The following ADGRG3 variants were observed in gnomAD, a reference collection of about 807,000 sequenced individuals.
ADGRG3 encodes G protein-coupled receptor 97.
ADGRG3 carries 39 observed loss-of-function variants against 54.3 expected under a neutral mutation model. The observed-to-expected ratio is 0.72, with a 90% CI of 0.56 to 0.94. The LOEUF is 0.94. Ranked by LOEUF, ADGRG3 falls within the 40% of genes least tolerant of loss-of-function variation. The pLI, the probability that ADGRG3 is intolerant of heterozygous loss-of-function variation, is 0.00. For synonymous variants in ADGRG3, 312 were observed against 290.0 expected, an observed-to-expected ratio of 1.08 and a Z score of -0.77; for missense variants, 654 against 694.6, an observed-to-expected ratio of 0.94 and a Z score of 0.66.
chr16:57,673,593 T>TAA, intron 2 of ADGRG3, 125 bp downstream of exon 2: 6 of 846,608 alleles, frequency 7.1e-6, no homozygotes, highest in Non-Finnish European at 9.1e-6. Context: ...TCTTCCACCT[T>TAA]GTTTGACACC....
intron 8 of ADGRG3, among the ~76,000 whole-genome samples, chr16:57,683,002 T>C (rs1197981705): frequency 6.6e-6 from 1 of 152,102 alleles, no homozygotes; most frequent in African/African-American, 2.4e-5. Context: ...TGCTGGGAAA[T>C]GTCCAGTTCA....
intron 1 of ADGRG3, among the ~76,000 whole-genome samples, chr16:57,672,667 G>A (rs77460743): frequency 0.012 from 1,851 of 152,272 alleles, 16 homozygotes; most frequent in Non-Finnish European, 0.019. Context: ...AGGTGAAAGG[G>A]AACCGAACTA....
chr16:57,686,651 T>C (rs1965227), intron 11 of ADGRG3: 81,371 of 152,066 alleles, frequency 0.54, 23,354 homozygotes, highest in African/African-American at 0.76. Context: ...TCTCTCCACT[T>C]ACCCTTTACT....
upstream of ADGRG3, among the ~76,000 whole-genome samples, chr16:57,666,010 G>T (rs1271824739): frequency 2.0e-5 from 3 of 151,172 alleles, no homozygotes. Context: ...TTCTGCAGGT[G>T]GGGGGCTCCT....
chr16:57,676,899 C>T (rs1237518984), intron 3 of ADGRG3, among the ~76,000 whole-genome samples: 1 of 152,168 alleles, frequency 6.6e-6, no homozygotes, highest in Non-Finnish European at 1.5e-5. Context: ...AGATAATGCA[C>T]AGGGAATGCT....
intron 8 of ADGRG3, chr16:57,682,415 C>A: frequency 3.3e-6 from 3 of 899,348 alleles, no homozygotes; most frequent in Non-Finnish European, 4.0e-6. Context: ...GCAGCCCCAA[C>A]TAGGCCCACC....
At chr16:57,685,985 G>A (rs538749790) in intron 11 of ADGRG3, 59 bp downstream of exon 11, 3 of 1,558,812 alleles carry the variant, frequency 1.9e-6, no homozygotes, top group South Asian at 1.1e-5. Context: ...GAGGTATTGG[G>A]AGGTGGGGAA....
At chr16:57,685,956 G>A in intron 11 of ADGRG3, 30 bp downstream of exon 11, 1 of 1,608,180 alleles carries the variant, frequency 6.2e-7, no homozygotes, top group Non-Finnish European at 8.5e-7. Context: ...GAGGTGATGG[G>A]CTGTGTTGTC....
At chr16:57,666,402 T>C (rs2048059710), upstream of ADGRG3, among the ~76,000 whole-genome samples, 1 of 152,236 alleles carries the variant, frequency 6.6e-6, no homozygotes, top group Non-Finnish European at 1.5e-5. Context: ...ACCCCGATGG[T>C]TATTATCATG....
chr16:57,683,428 T>C (rs556149697), intron 8 of ADGRG3, among the ~76,000 whole-genome samples: 162 of 152,362 alleles, frequency 1.1e-3, no homozygotes, highest in African/African-American at 3.8e-3. Context: ...TTCTCTCTAA[T>C]GTAAATGCCC....
chr16:57,669,280 C>T (rs2048109776), intron 1 of ADGRG3, among the ~76,000 whole-genome samples: 1 of 152,376 alleles, frequency 6.6e-6, no homozygotes, highest in East Asian at 1.9e-4. Flanking sequence ...CATAGATCAA[C>T]TTATTTGGTC....
rs868457442 is a variant in ADGRG3 at position 57,680,324 on chromosome 16, G to A, written c.727G>A (p.Val243Met). ...CSTEVRPEGTVCCCDHLTFFA... is the reference protein window; with the variant it reads ...CSTEVRPEGTMCCCDHLTFFA... ...CACGGAGGTCAGACCTGAGGGGACCGTGTGCTGCTGTGACCACCTGACCTT... is the reference window on the plus strand; with the variant it reads ...CACGGAGGTCAGACCTGAGGGGACCATGTGCTGCTGTGACCACCTGACCTT... Residue 243 changes from valine to methionine, a missense_variant, in exon 7 of 12, where the codon GTG becomes ATG. Coordinates refer to ENST00000333493, the MANE Select transcript of ADGRG3 (RefSeq NM_170776.5). The A allele has an allele frequency of 1.1e-5, 17 of 1,612,266 alleles. No individual in the cohort carries two copies. The highest frequency in any genetic ancestry group is 2.2e-5 in the South Asian group (2 of 90,986).
chr16:57,668,379 T>G lies in ADGRG3; in HGVS notation c.32T>G (p.Leu11Arg). 1 of 1,574,072 alleles carries G rather than the reference T, an allele frequency of 6.4e-7. No individual in the cohort carries two copies. Among genetic ancestry groups the G allele is most frequent in the Non-Finnish European group, 8.6e-7 (1 of 1,167,470 alleles). Residue 11 changes from leucine (L) to arginine (R), a missense_variant, in exon 1 of 12, where the codon CTC becomes CGC. By Grantham distance (102) the Leu-to-Arg change is moderately radical. Coordinates refer to ENST00000333493, the MANE Select transcript of ADGRG3 (RefSeq NM_170776.5). Reference sequence around the variant, plus strand: ...ACGCCCAGGGGCCTGGGGGCCCTGCTCCTGCTCCTCCTGCTCCCGACCTCA... The same window carrying G: ...ACGCCCAGGGGCCTGGGGGCCCTGCGCCTGCTCCTCCTGCTCCCGACCTCA... MATPRGLGAL[L>R]LLLLLPTSGQ...
rs763588993 is a variant in ADGRG3, at chr16:57,688,484, G to A, written c.*23G>A. 3 of 1,356,452 alleles carry A rather than the reference G, an allele frequency of 2.2e-6. No homozygotes were observed. Among genetic ancestry groups the A allele is most frequent in the Admixed American group, 3.3e-5 (2 of 59,706 alleles). The allele number at this position is 1,356,452 out of a possible 1,614,324, so 84.0% of individuals were successfully genotyped here. On this transcript the variant is annotated 3_prime_UTR_variant, in exon 12 of 12. Coordinates refer to ENST00000333493, the MANE Select transcript of ADGRG3 (RefSeq NM_170776.5). Reference sequence around the variant, plus strand: ...TAGGAAGGCACGGCCCTGCAATATGGACTCAGCTCTGGCTCTCTGTGTGAC... The same window carrying A: ...TAGGAAGGCACGGCCCTGCAATATGAACTCAGCTCTGGCTCTCTGTGTGAC...
chr16:57,682,745 G>C, intron 8 of ADGRG3: 1 of 528,708 alleles, frequency 1.9e-6, no homozygotes, highest in Non-Finnish European at 2.4e-6. Context: ...GAGAGAGGGA[G>C]GTGAGCCTGG....
Position 57,688,438 on chromosome 16 carries a change from G to A in ADGRG3, c.1627G>A (p.Ala543Thr), listed in dbSNP as rs780026325. Residue 543 changes from alanine (A) to threonine (T), a missense_variant, in exon 12 of 12, where the codon GCC becomes ACC. Physicochemically the swap from Ala to Thr is moderately conservative, Grantham distance 58. Transcript: ENST00000333493. The part of the protein sequence containing the change: ...VSSSTARLDQ[A>T]HSASQE The stretch of plus-strand genomic sequence containing the variant: ...CTCCTCTACTGCAAGATTGGACCAG[G>A]CCCACTCCGCATCTCAAGAATAGGA... 3 of 1,607,850 alleles carry A rather than the reference G, an allele frequency of 1.9e-6. No homozygotes were observed. The Admixed American group carries it at 5.0e-5, about 27-fold the overall frequency.
At chr16:57,679,565 G>A (rs78114277) in intron 5 of ADGRG3, among the ~76,000 whole-genome samples, 12 of 152,060 alleles carry the variant, frequency 7.9e-5, no homozygotes, top group African/African-American at 2.2e-4. Context: ...CCCCTGACAC[G>A]CACACATGCA....
intron 1 of ADGRG3, 77 bp from the exon 2 acceptor site, chr16:57,673,244 C>A (rs1189700963): frequency 7.1e-7 from 1 of 1,416,626 alleles, no homozygotes; most frequent in Admixed American, 1.8e-5. Context: ...TCTGGAGCCC[C>A]AGCTCCTTTC....
At chr16:57,685,501 T>C (rs2048456456) in intron 10 of ADGRG3, 142 bp from the exon 11 acceptor site, 1 of 766,712 alleles carries the variant, frequency 1.3e-6, no homozygotes, top group Admixed American at 2.4e-5. Context: ...TGACGGCCCC[T>C]CCCACAGCGG....
Sources: gnomAD v4.1 joint callset for allele counts (sites outside exome capture counted in the v4.1 genomes callset) on GRCh38, gnomAD v4.1.1 for gene constraint, MANE v1.5 for transcripts, NCBI Gene and HGNC (gene_info 2026-07-23, HGNC 2026-07-21) for gene names.